Variants in C18orf54 observed in about 807,000 individuals in gnomAD.
C18orf54 encodes the protein lung adenoma susceptibility protein 2.
In C18orf54, 49 loss-of-function variants were observed where a neutral mutation model predicts 49.3. That is an observed-to-expected ratio of 0.99 (90% CI 0.79 to 1.26). C18orf54 has a LOEUF of 1.26. Among genes scored for constraint, C18orf54 ranks in the 50% most tolerant of loss-of-function variants. The probability of loss-of-function intolerance (pLI) is 0.00; values close to 1 mark genes in which losing one functional copy is unlikely to be tolerated. For synonymous variants in C18orf54, 211 were observed against 216.6 expected, an observed-to-expected ratio of 0.97 and a Z score of 0.23; for missense variants, 687 against 620.6, an observed-to-expected ratio of 1.11 and a Z score of -1.14.
rs1027707143 is a variant in C18orf54 at position 54,362,936 on chromosome 18, A to G, written c.1223+15A>G. ...CCTGTTACTTTGTAAGTAAGTGGCAATGGAAAAACTGTTTAGTTTTCCAAA... is the reference window on the plus strand; with the variant it reads ...CCTGTTACTTTGTAAGTAAGTGGCAGTGGAAAAACTGTTTAGTTTTCCAAA... On this transcript the variant is annotated intron_variant, in intron 5 of 8. Transcript: ENST00000620105. 70 of 1,578,482 alleles carry G rather than the reference A, an allele frequency of 4.4e-5. No individual in the cohort carries two copies. The highest frequency in any genetic ancestry group is 5.8e-5 in the Non-Finnish European group (68 of 1,169,300).
At chr18:54,366,300 C>T (rs1341577566) in intron 6 of C18orf54, among the ~76,000 whole-genome samples, 1 of 151,874 alleles carries the variant, frequency 6.6e-6, no homozygotes, top group Non-Finnish European at 1.5e-5. Context: ...CCTACCTTTC[C>T]CAGTCTCCGG....
At position 54,362,800 on chromosome 18, in the gene C18orf54, G is replaced by A. The variant is rs2089298952; in HGVS notation, c.1102G>A (p.Ala368Thr). The part of the protein sequence containing the change: ...GDKIELLILK[A>T]KRNLEQCTEE... ...CAAAATTGAATTGCTTATCTTGAAG[G>A]CCAAGAGAAATCTAGAGCAGTGTAC... Residue 368 changes from alanine (A) to threonine (T), a missense_variant, in exon 5 of 9, where the codon GCC becomes ACC. Ala to Thr is a moderately conservative substitution (Grantham distance 58). Coordinates refer to ENST00000620105, the MANE Select transcript of C18orf54 (RefSeq NM_001288980.2). 1 of 1,608,112 alleles carries A rather than the reference G, an allele frequency of 6.2e-7. No individual in the cohort carries two copies. Among genetic ancestry groups the A allele is most frequent in the South Asian group, 1.1e-5 (1 of 89,236 alleles).
rs2089251900 is a variant in C18orf54 at position 54,360,765 on chromosome 18, T to C, written c.193T>C (p.Tyr65His). 6.2e-7 allele frequency: 1 copy of C among 1,613,752 alleles called. No homozygotes were observed. The highest frequency in any genetic ancestry group is 8.5e-7 in the Non-Finnish European group (1 of 1,179,668). Residue 65 changes from tyrosine (Y) to histidine (H), a missense_variant, in exon 3 of 9, where the codon TAT becomes CAT. Tyr to His is a moderately conservative substitution (Grantham distance 83). Transcript: ENST00000620105. ...TGATGATTTTGATCTAGGCCAAATA[T>C]ATCCTGGTGCAAGCACTGGAAAAAT... ...YIDDFDLGQI[Y>H]PGASTGKINI... is the part of the protein sequence containing the mutation.
intron 6 of C18orf54, 38 bp from the exon 7 acceptor site, chr18:54,372,428 G>T (rs775218567): frequency 3.5e-6 from 5 of 1,437,878 alleles, no homozygotes; most frequent in Non-Finnish European, 4.6e-6. Context: ...CCTGAGCTTG[G>T]ATGGTTAACT....
intron 2 of C18orf54, 29 bp downstream of exon 2, chr18:54,358,899 T>A (rs769762753): frequency 6.6e-6 from 1 of 151,928 alleles, no homozygotes; most frequent in Admixed American, 6.5e-5. Context: ...GCATGAGATA[T>A]GTGGGGTTCA....
rs541121615 is a variant in C18orf54 at position 54,358,092 on chromosome 18, T to C, written c.-144+17T>C. The C allele has an allele frequency of 6.5e-6, 1 of 152,922 alleles. No individual in the cohort carries two copies. Among genetic ancestry groups the C allele is most frequent in the East Asian group, 1.9e-4 (1 of 5,200 alleles). The allele number at this position is 152,922 out of a possible 1,614,324, so 9.5% of individuals were successfully genotyped here. A position where few individuals can be genotyped will look rare whatever the true frequency, so the allele number is the denominator to read the frequency against. The stretch of plus-strand genomic sequence containing the variant: ...TGTGGAAGTGTGCGGTTTTTGTTTT[T>C]GTTTTCCTTTATTTTTATTTTGGGG... On this transcript the variant is annotated intron_variant, in intron 1 of 8. Coordinates refer to ENST00000620105, the MANE Select transcript of C18orf54 (RefSeq NM_001288980.2).
rs1275858368 is a variant in C18orf54 at position 54,362,929 on chromosome 18, A to C, written c.1223+8A>C. On this transcript the variant is annotated splice_region_variant and intron_variant, in intron 5 of 8. Transcript: ENST00000620105. ...AAATATTCCTGTTACTTTGTAAGTA[A>C]GTGGCAATGGAAAAACTGTTTAGTT... 1 of 1,583,692 alleles carries C rather than the reference A, an allele frequency of 6.3e-7. No individual in the cohort carries two copies. Among genetic ancestry groups the C allele is most frequent in the East Asian group, 2.3e-5 (1 of 44,440 alleles).
chr18:54,365,971 A>T (rs1478536705), intron 6 of C18orf54, 150 bp downstream of exon 6: 1 of 295,836 alleles, frequency 3.4e-6, no homozygotes, highest in Non-Finnish European at 6.1e-6. Flanking sequence ...ATTATTGATT[A>T]TATTATTTTT....
At chr18:54,375,161 G>A (rs2089549669) in intron 8 of C18orf54, among the ~76,000 whole-genome samples, 1 of 151,824 alleles carries the variant, frequency 6.6e-6, no homozygotes, top group South Asian at 2.1e-4. Context: ...ATACCTAATA[G>A]AATTCAGTGA....
rs926786679 is a variant in C18orf54 at position 54,381,320 on chromosome 18, G to C, written c.*3074G>C. Reference sequence around the variant, plus strand: ...TGTATTCTGCATTGTCCTTACCCTAGATCAGCCCCTTCTGTGTTAACAGTT... The same window carrying C: ...TGTATTCTGCATTGTCCTTACCCTACATCAGCCCCTTCTGTGTTAACAGTT... On this transcript the variant is annotated 3_prime_UTR_variant, in exon 9 of 9. Coordinates refer to ENST00000620105, the MANE Select transcript of C18orf54 (RefSeq NM_001288980.2). 14 of 94,880 alleles carry C rather than the reference G, an allele frequency of 1.5e-4. No individual in the cohort carries two copies. Among genetic ancestry groups the C allele is most frequent in the African/African-American group, 7.0e-4 (14 of 20,014 alleles). The allele number at this position is 94,880 out of a possible 1,614,324, so 5.9% of individuals were successfully genotyped here. A position where few individuals can be genotyped will look rare whatever the true frequency, so the allele number is the denominator to read the frequency against.
At chr18:54,361,218 C>T (rs1834374627) in intron 3 of C18orf54, among the ~76,000 whole-genome samples, 1 of 152,198 alleles carries the variant, frequency 6.6e-6, no homozygotes, top group African/African-American at 2.4e-5. Context: ...ATGAGAACAG[C>T]TGTTCTCTAT....
At chr18:54,359,767 G>A (rs1299485033) in intron 2 of C18orf54, among the ~76,000 whole-genome samples, 2 of 152,070 alleles carry the variant, frequency 1.3e-5, no homozygotes. Context: ...ACTGTACTGA[G>A]GTAGACAGGG....
In C18orf54 at chr18:54,380,717, A is replaced by G. The variant is rs2089654052; in HGVS notation, c.*2471A>G. On this transcript the variant is annotated 3_prime_UTR_variant, in exon 9 of 9. Coordinates refer to ENST00000620105, the MANE Select transcript of C18orf54 (RefSeq NM_001288980.2). Reference sequence around the variant, plus strand: ...GTATTGTTTTAGTATTTAATGGTGTATAATGTGTTATTACATTATATGTAG... The same window carrying G: ...GTATTGTTTTAGTATTTAATGGTGTGTAATGTGTTATTACATTATATGTAG... 6.6e-6 allele frequency: 1 copy of G among 152,146 alleles called. No homozygotes were observed. 9.4% of individuals were successfully genotyped at this position (152,146 alleles called of 1,614,324 possible).
chr18:54,372,412 T>C, intron 6 of C18orf54, 54 bp from the exon 7 acceptor site: 1 of 1,383,950 alleles, frequency 7.2e-7, no homozygotes, highest in South Asian at 1.9e-5. Flanking sequence ...ATAAAACTCT[T>C]CTTTCCCTGA....
Position 54,376,477 on chromosome 18 carries a change from G to T in C18orf54, c.1530-1697G>T, listed in dbSNP as rs1195032583. Among the ~76,000 whole-genome samples, 3 of 151,120 alleles carry T rather than the reference G, an allele frequency of 2.0e-5. No homozygotes were observed. In the East Asian group the frequency reaches 5.8e-4, roughly 29 times the overall value. On this transcript the variant is annotated intron_variant, in intron 8 of 8. Coordinates refer to ENST00000620105, the MANE Select transcript of C18orf54 (RefSeq NM_001288980.2). ...GCCTTCCAAAGTGCTGGGATTACAG[G>T]CACGTGCCACCATGCCTGGCTAATT...
chr18:54,374,383 C>G, intron 8 of C18orf54, 99 bp downstream of exon 8: 2 of 1,270,914 alleles, frequency 1.6e-6, no homozygotes, highest in East Asian at 5.4e-5. Context: ...AAGAGTAGCA[C>G]TACTAGGCAT....
At chr18:54,372,717 T>C (rs2144747958) in intron 7 of C18orf54, 120 bp downstream of exon 7, 1 of 896,328 alleles carries the variant, frequency 1.1e-6, no homozygotes, top group Non-Finnish European at 1.6e-6. Flanking sequence ...TTACACATGT[T>C]GTAAGTGGCA....
At position 54,362,892 on chromosome 18, in the gene C18orf54, C is replaced by A. The variant is rs140618781; in HGVS notation, c.1194C>A (p.Asp398Glu). ...GCTCATTAGATAAACTTGAAGCAGA[C>A]AGATCATGGGAAAATATTCCTGTTA... ...SPCSLDKLEA[D>E]RSWENIPVTF... Residue 398 changes from aspartate to glutamate, a missense_variant, in exon 5 of 9, where the codon GAC (aspartate) becomes GAA (glutamate). Asp to Glu is a conservative substitution (Grantham distance 45). Coordinates refer to ENST00000620105, the MANE Select transcript of C18orf54 (RefSeq NM_001288980.2). The A allele has an allele frequency of 1.6e-4, 249 of 1,605,964 alleles. No individual in the cohort carries two copies. Among genetic ancestry groups the A allele is most frequent in the African/African-American group, 8.3e-4 (62 of 74,624 alleles).
chr18:54,369,023 T>A (rs2089438317), intron 6 of C18orf54, among the ~76,000 whole-genome samples: 1 of 152,176 alleles, frequency 6.6e-6, no homozygotes, highest in Non-Finnish European at 1.5e-5. Flanking sequence ...GAGCCATGGT[T>A]CTTTGTATTG....
Sources: gnomAD v4.1 joint callset for allele counts (sites outside exome capture counted in the v4.1 genomes callset) on GRCh38, gnomAD v4.1.1 for gene constraint, MANE v1.5 for transcripts, NCBI Gene and HGNC (gene_info 2026-07-23, HGNC 2026-07-21) for gene names.